METAP2: variants seen among roughly 807,000 people sequenced by gnomAD.
METAP2 encodes the protein methionyl aminopeptidase 2.
Under a neutral mutation model 59.4 loss-of-function variants are expected in METAP2, and 25 were observed. The ratio of observed to expected loss-of-function variants is 0.42; its 90% confidence interval spans 0.31 to 0.59. METAP2 has a LOEUF of 0.59. Ranked by LOEUF, METAP2 falls within the 20% of genes least tolerant of loss-of-function variation. METAP2 has a pLI of 0.16. For missense variants in METAP2, 366 were observed against 581.2 expected (o/e 0.63, Z 3.81); for synonymous variants, 214 against 194.1 (o/e 1.10, Z -0.85).
chr12:95,495,345 A>G (rs2076268847), intron 6 of METAP2, among the ~76,000 whole-genome samples: 1 of 152,132 alleles, frequency 6.6e-6, no homozygotes, highest in South Asian at 2.1e-4. Context: ...TTGAAAGCAT[A>G]CTACTAAGTA....
intron 8 of METAP2, among the ~76,000 whole-genome samples, chr12:95,507,323 T>C (rs562425027): frequency 6.6e-6 from 1 of 152,374 alleles, no homozygotes; most frequent in African/African-American, 2.4e-5. Flanking sequence ...AATTCTGGGA[T>C]TAGTGCCACA....
intron 4 of METAP2, among the ~76,000 whole-genome samples, chr12:95,490,771 TTC>T (rs987899677): frequency 6.6e-6 from 1 of 152,136 alleles, no homozygotes; most frequent in Non-Finnish European, 1.5e-5. Context: ...CCTCACCTTT[TTC>T]TCTTTCTCTT....
intron 3 of METAP2, among the ~76,000 whole-genome samples, chr12:95,483,736 T>G (rs2076176465): frequency 6.6e-6 from 1 of 152,144 alleles, no homozygotes; most frequent in Admixed American, 6.6e-5. Flanking sequence ...TCTAAAAATT[T>G]TATGATTTAA....
At chr12:95,492,046 A>G (rs978970340) in intron 4 of METAP2, among the ~76,000 whole-genome samples, 4 of 152,144 alleles carry the variant, frequency 2.6e-5, no homozygotes, top group Non-Finnish European at 4.4e-5. Context: ...GGGCTCAAAC[A>G]GTCCTCCTGC....
intron 8 of METAP2, among the ~76,000 whole-genome samples, chr12:95,504,857 C>T (rs913664455): frequency 4.6e-5 from 7 of 152,192 alleles, no homozygotes; most frequent in Non-Finnish European, 1.0e-4. Context: ...TTCTGTATCA[C>T]TTTAATTCCC....
At chr12:95,476,022 G>A (rs773686915) in intron 1 of METAP2, 49 bp from the exon 2 acceptor site, 2 of 1,118,702 alleles carry the variant, frequency 1.8e-6, no homozygotes, top group South Asian at 1.4e-5. Context: ...ATATTCTAGT[G>A]GGAAAGTGTC....
rs902503099 is a variant in METAP2 at position 95,506,546 on chromosome 12, G to A, written c.964+2385G>A. 3.3e-5 allele frequency among the ~76,000 whole-genome samples: 5 copies of A among 151,670 alleles called. No individual in the cohort carries two copies. The South Asian group carries it at 6.2e-4, about 19-fold the overall frequency. ...AATCTCTTGACCTCATGATCCGCCC[G>A]CCTCGGCTTCCCACAGTGCTGGGAT... On this transcript the variant is annotated intron_variant, in intron 8 of 10. Transcript: ENST00000323666.
At chr12:95,488,461 A>T (rs1051748512) in intron 4 of METAP2, among the ~76,000 whole-genome samples, 6 of 137,690 alleles carry the variant, frequency 4.4e-5, no homozygotes, top group Non-Finnish European at 6.1e-5. Context: ...GTGAGCTGAG[A>T]TTGCACCACT....
chr12:95,478,638 A>T (rs12581290), intron 2 of METAP2, among the ~76,000 whole-genome samples: 36,131 of 151,450 alleles, frequency 0.24, 4,894 homozygotes, highest in East Asian at 0.48. Flanking sequence ...GTCTCAAAAA[A>T]TAAGAAAAAA....
At position 95,509,848 on chromosome 12, in the gene METAP2, T is replaced by A. The variant is rs774982652; in HGVS notation, c.965-2047T>A. ...TTTTTTTAAGACCTCCCCCCCAACC[T>A]TTTTTTTTTTTTTTTTTTGAGACTC... is the stretch of plus-strand genomic sequence containing the variant. On this transcript the variant is annotated intron_variant, in intron 8 of 10. Coordinates refer to ENST00000323666, the MANE Select transcript of METAP2 (RefSeq NM_006838.4). Among the ~76,000 whole-genome samples the A allele has an allele frequency of 9.1e-5, 11 of 121,162 alleles. 1 individual carries two copies. Among genetic ancestry groups the A allele is most frequent in the Non-Finnish European group, 1.4e-4 (8 of 57,156 alleles). 79.5% of individuals were successfully genotyped at this position (121,162 alleles called of 152,430 possible).
In METAP2 at chr12:95,478,698, G is replaced by T. The variant is rs137969362; in HGVS notation, c.259+2520G>T. On this transcript the variant is annotated intron_variant, in intron 2 of 10. Transcript: ENST00000323666. Reference sequence around the variant, plus strand: ...ACAGACAAAACCTAGAAGTGAAAAGGTATTTGGGTACCTGTAATAAAATTT... The same window carrying T: ...ACAGACAAAACCTAGAAGTGAAAAGTTATTTGGGTACCTGTAATAAAATTT... Among the ~76,000 whole-genome samples, 532 of 152,168 alleles carry T rather than the reference G, an allele frequency of 3.5e-3. 2 individuals are homozygous for T. The highest frequency in any genetic ancestry group is 0.012 in the African/African-American group (519 of 41,542).
intron 4 of METAP2, among the ~76,000 whole-genome samples, chr12:95,488,511 CAAAAAAA>C (rs537119415): frequency 3.5e-4 from 27 of 76,564 alleles, no homozygotes; most frequent in African/African-American, 7.5e-4. Context: ...TTTGTCTCAC[CAAAAAAA>C]AAAAAAAAAA....
intron 7 of METAP2, among the ~76,000 whole-genome samples, chr12:95,497,769 G>A (rs908340741): frequency 1.3e-5 from 2 of 151,842 alleles, no homozygotes; most frequent in African/African-American, 4.8e-5. Flanking sequence ...TTTGTTTTTT[G>A]TTTTTAATCT....
intron 8 of METAP2, 38 bp from the exon 9 acceptor site, chr12:95,511,857 A>G: frequency 6.9e-7 from 1 of 1,444,168 alleles, no homozygotes; most frequent in Non-Finnish European, 9.6e-7. Context: ...GCTTCTTGAG[A>G]TCCTGAATGA....
At chr12:95,493,011 T>C (rs2076250545) in intron 4 of METAP2, among the ~76,000 whole-genome samples, 1 of 152,236 alleles carries the variant, frequency 6.6e-6, no homozygotes, top group Non-Finnish European at 1.5e-5. Context: ...TCCTTGAAGG[T>C]ATCACTTTTA....
chr12:95,499,697 TGTTA>T (rs2076301414), intron 7 of METAP2, among the ~76,000 whole-genome samples: 1 of 152,164 alleles, frequency 6.6e-6, no homozygotes, highest in South Asian at 2.1e-4. Flanking sequence ...TGAGATGTTG[TGTTA>T]GTTCATTTTC....
At chr12:95,506,794 A>ATTTG (rs1225555365) in intron 8 of METAP2, among the ~76,000 whole-genome samples, 2 of 145,910 alleles carry the variant, frequency 1.4e-5, no homozygotes, top group African/African-American at 5.2e-5. Flanking sequence ...AAAGCAGAAT[A>ATTTG]CTTATTTATT....
intron 4 of METAP2, among the ~76,000 whole-genome samples, chr12:95,491,712 A>G (rs936681497): frequency 1.3e-5 from 2 of 151,904 alleles, no homozygotes; most frequent in African/African-American, 2.4e-5. Flanking sequence ...GGGTCTTTCT[A>G]TGTTGCCCAG....
Position 95,514,760 on chromosome 12 carries a change from AGCAAAG to A in METAP2, c.*857_*862del, listed in dbSNP as rs2076433413. On this transcript the variant is annotated 3_prime_UTR_variant, in exon 11 of 11. Coordinates refer to ENST00000323666, the MANE Select transcript of METAP2 (RefSeq NM_006838.4). ...ACCAAAAGGGTATTAAAGCCACAAA[AGCAAAG>A]AAGAAAAAAAAAAACTTCCCATGTT... The A allele has an allele frequency of 6.6e-6, 1 of 152,134 alleles. No individual in the cohort carries two copies. The highest frequency in any genetic ancestry group is 6.5e-5 in the Admixed American group (1 of 15,268). 9.4% of individuals were successfully genotyped at this position (152,134 alleles called of 1,614,324 possible).
Sources: allele counts gnomAD v4.1 joint callset (sites outside exome capture counted in the v4.1 genomes callset), GRCh38; gene constraint gnomAD v4.1.1; transcripts MANE v1.5; gene names NCBI Gene and HGNC (gene_info 2026-07-23, HGNC 2026-07-21).